The following VEPH1 variants were observed in gnomAD, a reference collection of about 807,000 sequenced individuals.
VEPH1 encodes the protein ventricular zone expressed PH domain containing 1.
A neutral mutation model predicts 85.2 loss-of-function variants in VEPH1; 80 were observed. The observed-to-expected ratio is 0.94, with a 90% confidence interval of 0.78 to 1.13. The LOEUF is 1.13. VEPH1 is among the 50% of genes most tolerant of loss of function. VEPH1 has a pLI of 0.00. For synonymous variants in VEPH1, 297 were observed against 348.0 expected, an observed-to-expected ratio of 0.85 and a Z score of 1.63; for missense variants, 955 against 980.5, an observed-to-expected ratio of 0.97 and a Z score of 0.35.
chr3:157,337,661 A>G (rs1185398339), intron 9 of VEPH1, among the ~76,000 whole-genome samples: 4 of 152,186 alleles, frequency 2.6e-5, no homozygotes, highest in Non-Finnish European at 4.4e-5. Flanking sequence ...TAATCGGGGA[A>G]AAATACCTTC....
Position 157,495,302 on chromosome 3 carries a change from T to G in VEPH1, c.48A>C (p.Arg16=). The change falls in exon 2 of 14, where the codon CGA becomes CGC. Residue 16 remains arginine, a synonymous_variant. Transcript: ENST00000362010. ...RLVLGQKDLS[R]AGDLFSLDDS... ...CATCTAAGGAGAAGAGGTCCCCAGC[T>G]CGTGAAAGATCTTTTTGTCCCAAAA... 1 of 1,614,044 alleles carries G rather than the reference T, an allele frequency of 6.2e-7. No individual in the cohort carries two copies. The highest frequency in any genetic ancestry group is 1.1e-5 in the South Asian group (1 of 91,072).
At position 157,261,177 on chromosome 3, in the gene VEPH1, T is replaced by G. The variant is rs1296074210; in HGVS notation, c.2459A>C (p.Gln820Pro). ...WLQCINVAVA[Q>P]AKERESREVT... Reference sequence around the variant, plus strand: ...TTCTCTACTTTCCCTTTCTTTGGCTTGGGCAACTGCCACGTTGATGCACTG... The same window carrying G: ...TTCTCTACTTTCCCTTTCTTTGGCTGGGGCAACTGCCACGTTGATGCACTG... The change falls in exon 14 of 14, where the codon CAA (glutamine) becomes CCA (proline). Residue 820 changes from glutamine (Q) to proline (P), a missense_variant. Gln to Pro is a moderately conservative substitution (Grantham distance 76, BLOSUM62 -1). Coordinates refer to ENST00000362010, the MANE Select transcript of VEPH1 (RefSeq NM_001167912.2). 6.2e-7 allele frequency: 1 copy of G among 1,613,696 alleles called. No individual in the cohort carries two copies. The highest frequency in any genetic ancestry group is 1.1e-5 in the South Asian group (1 of 91,082).
chr3:157,283,301 G>C (rs370061032), intron 12 of VEPH1, among the ~76,000 whole-genome samples: 14 of 152,116 alleles, frequency 9.2e-5, no homozygotes, highest in Admixed American at 9.2e-4. Flanking sequence ...GTGACCTTGC[G>C]AAAATTACTT....
intron 7 of VEPH1, among the ~76,000 whole-genome samples, chr3:157,368,846 A>T (rs1305393758): frequency 6.6e-6 from 1 of 152,084 alleles, no homozygotes; most frequent in Non-Finnish European, 1.5e-5. Context: ...CTAAATATAT[A>T]TTATACTTGA....
intron 5 of VEPH1, among the ~76,000 whole-genome samples, chr3:157,417,930 C>T (rs1292372755): frequency 6.6e-6 from 1 of 152,142 alleles, no homozygotes; most frequent in Non-Finnish European, 1.5e-5. Flanking sequence ...GCCCCCATTC[C>T]TTGCCCCATC....
intron 5 of VEPH1, among the ~76,000 whole-genome samples, chr3:157,416,084 T>G (rs1290060841): frequency 2.0e-5 from 3 of 152,190 alleles, no homozygotes; most frequent in Admixed American, 2.0e-4. Context: ...CACTATTGGA[T>G]ACCTAATGCC....
intron 12 of VEPH1, among the ~76,000 whole-genome samples, chr3:157,276,445 G>A (rs12490031): frequency 6.6e-6 from 1 of 152,056 alleles, no homozygotes; most frequent in Non-Finnish European, 1.5e-5. Flanking sequence ...AGCCTTGCAT[G>A]TTAAACAAGG....
At chr3:157,480,288 A>T (rs1431185416) in intron 2 of VEPH1, among the ~76,000 whole-genome samples, 1 of 151,986 alleles carries the variant, frequency 6.6e-6, no homozygotes, top group Non-Finnish European at 1.5e-5. Context: ...CTTTCTTTTT[A>T]AAAATTTTTT....
At chr3:157,303,742 G>A (rs918660601) in intron 11 of VEPH1, among the ~76,000 whole-genome samples, 2 of 151,892 alleles carry the variant, frequency 1.3e-5, no homozygotes, top group African/African-American at 4.8e-5. Flanking sequence ...TGGCTTCTTA[G>A]GGTAGACTCT....
At chr3:157,404,388 A>T (rs777798041) in intron 6 of VEPH1, among the ~76,000 whole-genome samples, 7 of 152,180 alleles carry the variant, frequency 4.6e-5, no homozygotes, top group Non-Finnish European at 7.4e-5. Flanking sequence ...TGTGTTATAG[A>T]TGTATGTTCT....
In VEPH1 at chr3:157,274,461, T is replaced by A. The variant is rs16827402; in HGVS notation, c.2129-8799A>T. Among the ~76,000 whole-genome samples the A allele has an allele frequency of 2.8e-3, 430 of 152,248 alleles. 3 individuals are homozygous for A. Among genetic ancestry groups the A allele is most frequent in the African/African-American group, 9.9e-3 (412 of 41,550 alleles). ...TGGAGGTATGAAAGGCAATTCCAAG[T>A]GTCTCAAATGGAAGGTGAACTCTCT... On this transcript the variant is annotated intron_variant, in intron 12 of 13. Coordinates refer to ENST00000362010, the MANE Select transcript of VEPH1 (RefSeq NM_001167912.2).
intron 11 of VEPH1, among the ~76,000 whole-genome samples, chr3:157,305,284 T>C (rs1013329511): frequency 1.3e-5 from 2 of 151,306 alleles, no homozygotes; most frequent in Non-Finnish European, 3.0e-5. Context: ...TAATTTTTTG[T>C]ATTTTTAGTA....
chr3:157,378,940 A>G (rs1728458305), intron 7 of VEPH1, among the ~76,000 whole-genome samples: 1 of 152,150 alleles, frequency 6.6e-6, no homozygotes, highest in South Asian at 2.1e-4. Context: ...CTGACTTCTT[A>G]GGCTCTCATC....
chr3:157,400,485 T>C (rs1276501657), intron 6 of VEPH1, among the ~76,000 whole-genome samples: 2 of 152,140 alleles, frequency 1.3e-5, no homozygotes, highest in East Asian at 1.9e-4. Context: ...GGATTTAAAA[T>C]AGAAATCAGA....
chr3:157,396,787 T>C (rs918892134), intron 6 of VEPH1, among the ~76,000 whole-genome samples: 3 of 152,116 alleles, frequency 2.0e-5, no homozygotes, highest in African/African-American at 7.2e-5. Context: ...TTTAATTGGG[T>C]TGTTTGTTTT....
chr3:157,473,605 AT>A (rs1361507226), intron 2 of VEPH1, among the ~76,000 whole-genome samples: 4 of 152,080 alleles, frequency 2.6e-5, no homozygotes, highest in African/African-American at 9.7e-5. Context: ...TTGATTCTTG[AT>A]TTTTGGCATA....
At chr3:157,277,704 A>G (rs554367788) in intron 12 of VEPH1, among the ~76,000 whole-genome samples, 1 of 152,354 alleles carries the variant, frequency 6.6e-6, no homozygotes, top group South Asian at 2.1e-4. Context: ...ATATACACAT[A>G]TATGTGTACA....
At chr3:157,467,049 G>A (rs780522387) in intron 3 of VEPH1, among the ~76,000 whole-genome samples, 42 of 152,042 alleles carry the variant, frequency 2.8e-4, no homozygotes, top group Non-Finnish European at 4.7e-4. Flanking sequence ...GAAAAGGAAT[G>A]GTCACCTGAA....
rs544386208 is a variant in VEPH1 at position 157,387,570 on chromosome 3, C to T, written c.907-6194G>A. On this transcript the variant is annotated intron_variant, in intron 6 of 13. Transcript: ENST00000362010. ...TAGGGCTGATAAAAACCATTTAGGG[C>T]AGCTCTGTAGGCTGCAGCCCTCCTT... Among the ~76,000 whole-genome samples the T allele has an allele frequency of 1.3e-4, 20 of 152,304 alleles. 2 individuals carry two copies. The South Asian group carries it at 4.1e-3, about 32-fold the overall frequency.
Sources: allele counts gnomAD v4.1 joint callset (sites outside exome capture counted in the v4.1 genomes callset), GRCh38; gene constraint gnomAD v4.1.1; transcripts MANE v1.5; gene names NCBI Gene and HGNC (gene_info 2026-07-23, HGNC 2026-07-21).